Variants in RTN4 observed in about 807,000 individuals in gnomAD.
RTN4 encodes reticulon 4.
Under a neutral mutation model 90.4 loss-of-function variants are expected in RTN4, and 32 were observed. That is an observed-to-expected ratio of 0.35 (90% CI 0.27 to 0.48). RTN4 has a LOEUF of 0.48. RTN4 is among the 20% of genes least tolerant of loss of function. The pLI is 0.99. For missense variants in RTN4, 1,706 were observed against 1,430.2 expected (o/e 1.19, Z -3.11); for synonymous variants, 629 against 552.5 (o/e 1.14, Z -1.94).
intron 1 of RTN4, among the ~76,000 whole-genome samples, chr2:55,106,676 T>G (rs1302569845): frequency 1.3e-5 from 2 of 151,990 alleles, no homozygotes; most frequent in Non-Finnish European, 2.9e-5. Context: ...TGCACCACCA[T>G]GCCCGGCTAA....
chr2:54,974,622 C>T (rs908750175), intron 6 of RTN4, 73 bp downstream of exon 6: 1 of 1,181,526 alleles, frequency 8.5e-7, no homozygotes, highest in South Asian at 1.2e-5. Context: ...AGAATATTCT[C>T]CACTAAAATG....
At chr2:55,052,189 G>A (rs1288504741), upstream of RTN4, among the ~76,000 whole-genome samples, 1 of 152,162 alleles carries the variant, frequency 6.6e-6, no homozygotes, top group Admixed American at 6.5e-5. Context: ...CAGAAAGAGT[G>A]AACCCTAATG....
chr2:55,056,847 G>A (rs534644485), intron 2 of RTN4, among the ~76,000 whole-genome samples: 2 of 152,194 alleles, frequency 1.3e-5, no homozygotes, highest in East Asian at 1.9e-4. Context: ...AACACAGGTC[G>A]GAATTTTAAA....
At chr2:54,986,815 C>G (rs1459344665) in intron 4 of RTN4, among the ~76,000 whole-genome samples, 2 of 151,792 alleles carry the variant, frequency 1.3e-5, no homozygotes, top group Admixed American at 1.3e-4. Context: ...TGTGAATATA[C>G]TAAAAACCAA....
chr2:55,122,791 C>A, the RTN4 span, among the ~76,000 whole-genome samples: 1 of 152,232 alleles, frequency 6.6e-6, no homozygotes, highest in Admixed American at 6.5e-5. Context: ...GATGGGAGAC[C>A]TGCACACACA....
intron 3 of RTN4, among the ~76,000 whole-genome samples, chr2:54,993,231 C>G (rs757260187): frequency 2.6e-5 from 4 of 152,120 alleles, no homozygotes; most frequent in Admixed American, 6.5e-5. Context: ...TGGTCCCACT[C>G]TAATGGCAAG....
intron 1 of RTN4, among the ~76,000 whole-genome samples, chr2:55,047,262 G>A (rs924843989): frequency 2.0e-4 from 30 of 151,524 alleles, no homozygotes; most frequent in Admixed American, 6.6e-4. Context: ...CCTGGGAGGC[G>A]GAGGTTGCAG....
At chr2:55,057,437 G>T (rs757874210) in intron 2 of RTN4, among the ~76,000 whole-genome samples, 1 of 152,196 alleles carries the variant, frequency 6.6e-6, no homozygotes, top group African/African-American at 2.4e-5. Context: ...TTAGCAAATT[G>T]TATAAGGAAA....
At chr2:55,080,179 G>T (rs1668682905) in intron 2 of RTN4, among the ~76,000 whole-genome samples, 1 of 151,898 alleles carries the variant, frequency 6.6e-6, no homozygotes, top group Non-Finnish European at 1.5e-5. Context: ...ACCATACCCG[G>T]CTAACTTTTT....
intron 1 of RTN4, among the ~76,000 whole-genome samples, chr2:55,082,413 A>G (rs1376852128): frequency 6.6e-6 from 1 of 152,058 alleles, no homozygotes; most frequent in Non-Finnish European, 1.5e-5. Context: ...GCCACCACAA[A>G]CCAAACTACC....
chr2:54,998,223 G>C (rs1029347288), intron 3 of RTN4, among the ~76,000 whole-genome samples: 5 of 148,820 alleles, frequency 3.4e-5, no homozygotes, highest in Non-Finnish European at 4.5e-5. Flanking sequence ...TAGAGGGTGT[G>C]GGGGGCTTTT....
Position 55,021,237 on chromosome 2 carries a change from T to C in RTN4, c.3013+3849A>G, listed in dbSNP as rs145790434. Among the ~76,000 whole-genome samples, 27 of 152,252 alleles carry C rather than the reference T, an allele frequency of 1.8e-4. No homozygotes were observed. In the East Asian group the frequency reaches 2.7e-3, roughly 15 times the overall value. On this transcript the variant is annotated intron_variant, in intron 3 of 8. Transcript: ENST00000337526. Reference sequence around the variant, plus strand: ...TTGGTACATTTGACTTCAGTACACTTGAACCTCCCTTTCACGAAGATACAC... The same window carrying C: ...TTGGTACATTTGACTTCAGTACACTCGAACCTCCCTTTCACGAAGATACAC...
chr2:55,071,729 T>C (rs1415139176), intron 2 of RTN4, among the ~76,000 whole-genome samples: 1 of 152,132 alleles, frequency 6.6e-6, no homozygotes, highest in Non-Finnish European at 1.5e-5. Context: ...CCGCAGTGCC[T>C]GTGGTTGTCA....
At position 54,987,809 on chromosome 2, in the gene RTN4, TTTAAAGAAACACTAAG is replaced by T. The variant is rs1380229534; in HGVS notation, c.3014-127_3014-112del. The T allele has an allele frequency of 1.1e-5, 9 of 856,946 alleles. 2 individuals are homozygous for T. In the Admixed American group the frequency reaches 1.6e-4, roughly 15 times the overall value. 53.1% of individuals were successfully genotyped at this position (856,946 alleles called of 1,614,324 possible). On this transcript the variant is annotated intron_variant, in intron 3 of 8. Transcript: ENST00000337526. ...CATAAAGTAAAATCAAACCTAAAAA[TTTAAAGAAACACTAAG>T]TTAAAGAAACACTAACTTTATAACC...
Position 55,111,645 on chromosome 2 carries a change from T to C in RTN4, c.-214+875A>G, listed in dbSNP as rs142192499. ...TCCTAAGGACCCACTCAGGAGGGTG[T>C]TTGGGGCTGTTTAGGAGGAGGGGTC... On this transcript the variant is annotated intron_variant, in intron 1 of 3. Transcript: ENST00000427710. Among the ~76,000 whole-genome samples the C allele has an allele frequency of 2.7e-3, 417 of 152,046 alleles. 2 individuals are homozygous for C. The highest frequency in any genetic ancestry group is 9.5e-3 in the African/African-American group (392 of 41,400).
intron 1 of RTN4, among the ~76,000 whole-genome samples, chr2:55,046,152 A>G: frequency 6.6e-6 from 1 of 152,226 alleles, no homozygotes; most frequent in African/African-American, 2.4e-5. Context: ...TCTTCCAGGC[A>G]GGCTAGTCTA....
chr2:55,101,342 A>G (rs913840132), intron 1 of RTN4, among the ~76,000 whole-genome samples: 1 of 152,064 alleles, frequency 6.6e-6, no homozygotes, highest in Admixed American at 6.6e-5. Flanking sequence ...ACTTGTTCAG[A>G]AGAGTGAAAT....
At chr2:55,074,783 T>A (rs1668573507) in intron 2 of RTN4, among the ~76,000 whole-genome samples, 1 of 152,076 alleles carries the variant, frequency 6.6e-6, no homozygotes, top group Admixed American at 6.6e-5. Flanking sequence ...CATCTGTAAG[T>A]CAATAAATGT....
intron 1 of RTN4, among the ~76,000 whole-genome samples, chr2:55,090,008 G>T (rs1215536177): frequency 6.6e-6 from 1 of 152,204 alleles, no homozygotes; most frequent in African/African-American, 2.4e-5. Context: ...GTTGAGAAAG[G>T]CTTACTTTTC....
Sources: gnomAD v4.1 joint callset for allele counts (sites outside exome capture counted in the v4.1 genomes callset) on GRCh38, gnomAD v4.1.1 for gene constraint, MANE v1.5 for transcripts, NCBI Gene and HGNC (gene_info 2026-07-23, HGNC 2026-07-21) for gene names.